PCF11: variants seen among roughly 807,000 people sequenced by gnomAD.
PCF11 encodes the protein pre-mRNA cleavage complex 2 protein Pcf11.
Under a neutral mutation model 166.1 loss-of-function variants are expected in PCF11, and 19 were observed. That is an observed-to-expected ratio of 0.11 (90% CI 0.08 to 0.17). The LOEUF is 0.17. PCF11 is among the 10% of genes least tolerant of loss of function. The probability of loss-of-function intolerance (pLI) is 1.00; values close to 1 mark genes in which losing one functional copy is unlikely to be tolerated. For missense variants in PCF11, 1,565 were observed against 1,855.5 expected, an observed-to-expected ratio of 0.84 and a Z score of 2.88; for synonymous variants, 663 against 644.1, an observed-to-expected ratio of 1.03 and a Z score of -0.44.
chr11:83,165,006 A>T (rs1049774348), intron 4 of PCF11, among the ~76,000 whole-genome samples: 4 of 152,214 alleles, frequency 2.6e-5, no homozygotes, highest in Admixed American at 2.0e-4. Context: ...GATGGTAGGC[A>T]TGTTGTGGCA....
intron 10 of PCF11, among the ~76,000 whole-genome samples, 181 bp downstream of exon 10, chr11:83,177,385 A>G (rs1860924902): frequency 6.6e-6 from 1 of 152,186 alleles, no homozygotes; most frequent in South Asian, 2.1e-4. Context: ...AGATTGAACT[A>G]CCTTATAGTG....
chr11:83,166,214 A>G (rs1157548724), exon 5 of PCF11: 2 of 1,613,442 alleles, frequency 1.2e-6, no homozygotes, highest in East Asian at 2.2e-5. Context: ...AGTCATCCGA[A>G]CACAGACTGG....
intron 11 of PCF11, chr11:83,180,731 C>G (rs1475494002): frequency 4.6e-6 from 1 of 219,750 alleles, no homozygotes; most frequent in Non-Finnish European, 9.1e-6. Flanking sequence ...TGTTAGCTAG[C>G]ACAGGATCAT....
rs1275402464 is a variant in PCF11, at chr11:83,182,393, T to C, written c.4324-6T>C. On this transcript the variant is annotated splice_polypyrimidine_tract_variant and splice_region_variant and intron_variant, in intron 13 of 15. Coordinates refer to ENST00000298281, the Ensembl canonical transcript of PCF11. Reference sequence around the variant, plus strand: ...GTAAATTTCATTTTATATGATTCTATTTTAGAGTTGTGAAATCTGTCAAGA... The same window carrying C: ...GTAAATTTCATTTTATATGATTCTACTTTAGAGTTGTGAAATCTGTCAAGA... 1 of 1,420,472 alleles carries C rather than the reference T, an allele frequency of 7.0e-7. No homozygotes were observed. Among genetic ancestry groups the C allele is most frequent in the African/African-American group, 1.4e-5 (1 of 70,918 alleles). 88.0% of individuals were successfully genotyped at this position (1,420,472 alleles called of 1,614,324 possible).
intron 2 of PCF11, among the ~76,000 whole-genome samples, chr11:83,161,754 A>T (rs1471879802): frequency 6.6e-6 from 1 of 152,224 alleles, no homozygotes; most frequent in Non-Finnish European, 1.5e-5. Flanking sequence ...CAAACCAGGC[A>T]AAAAGATCTG....
chr11:83,166,589 G>A, exon 5 of PCF11: 1 of 1,613,900 alleles, frequency 6.2e-7, no homozygotes, highest in Non-Finnish European at 8.5e-7. Flanking sequence ...CTGAAGAGGA[G>A]CGACCACAAG....
chr11:83,164,700 TAGTG>T (rs1008787664), intron 4 of PCF11, among the ~76,000 whole-genome samples: 5 of 150,766 alleles, frequency 3.3e-5, no homozygotes, highest in African/African-American at 1.2e-4. Flanking sequence ...CTGGGCAACA[TAGTG>T]AGGCCCTACC....
chr11:83,184,830 C>T, exon 16 of PCF11: 2 of 1,591,260 alleles, frequency 1.3e-6, no homozygotes, highest in South Asian at 2.3e-5. Flanking sequence ...CCAGCTTGTA[C>T]AGAGGAAAGC....
chr11:83,169,990 C>A, exon 8 of PCF11: 1 of 1,579,030 alleles, frequency 6.3e-7, no homozygotes, highest in South Asian at 1.2e-5. Context: ...TCAGGCATCT[C>A]AACAGGTAAG....
chr11:83,177,981 A>T (rs1265167466), intron 11 of PCF11, among the ~76,000 whole-genome samples, 162 bp downstream of exon 11: 1 of 151,610 alleles, frequency 6.6e-6, no homozygotes, highest in Non-Finnish European at 1.5e-5. Context: ...AATATACATA[A>T]CATAGTCTTT....
intron 1 of PCF11, 134 bp from the exon 2 acceptor site, chr11:83,161,193 T>C (rs1369619503): frequency 7.6e-6 from 5 of 660,060 alleles, no homozygotes; most frequent in Non-Finnish European, 1.2e-5. Context: ...ACACTTAAGT[T>C]TCATAAAGAT....
chr11:83,160,205 A>G (rs2135414279), intron 1 of PCF11, among the ~76,000 whole-genome samples: 1 of 151,812 alleles, frequency 6.6e-6, no homozygotes, highest in South Asian at 2.1e-4. Context: ...ATTATATATG[A>G]TGGCATTGTG....
chr11:83,166,817 T>C, intron 5 of PCF11, 103 bp downstream of exon 5: 1 of 961,114 alleles, frequency 1.0e-6, no homozygotes, highest in Non-Finnish European at 1.6e-6. Flanking sequence ...ATTAGTACTT[T>C]TTTTCCATCT....
intron 15 of PCF11, chr11:83,184,374 A>T (rs913135827): frequency 7.7e-6 from 2 of 258,180 alleles, no homozygotes; most frequent in Non-Finnish European, 7.3e-6. Flanking sequence ...GGATATATGT[A>T]TGAGTTTAAC....
intron 2 of PCF11, 30 bp from the exon 3 acceptor site, chr11:83,163,649 A>T (rs1860342663): frequency 2.2e-6 from 2 of 906,762 alleles, no homozygotes; most frequent in Admixed American, 6.8e-5. Flanking sequence ...TAGTAACTTA[A>T]CAAGCCATAG....
intron 15 of PCF11, among the ~76,000 whole-genome samples, chr11:83,183,506 C>G (rs1406098905): frequency 6.6e-6 from 1 of 151,796 alleles, no homozygotes; most frequent in Non-Finnish European, 1.5e-5. Context: ...TTGTTTTGTT[C>G]TGAGACAAAG....
In PCF11 at chr11:83,167,574, C is replaced by G. The variant is rs767498180; in HGVS notation, c.2092+69C>G. ...TAAAGGTGGATTAAAAAAGAAACCT[C>G]TCTTATCTGATGCTGAATTAACCTA... On this transcript the variant is annotated intron_variant, in intron 7 of 15. Coordinates refer to ENST00000298281, the Ensembl canonical transcript of PCF11. The surrounding 1 kb of genome is among the most constrained non-coding windows in gnomAD (Gnocchi z 4.2). 6.4e-7 allele frequency: 1 copy of G among 1,558,172 alleles called. No individual in the cohort carries two copies. The highest frequency in any genetic ancestry group is 1.2e-5 in the South Asian group (1 of 84,836).
intron 2 of PCF11, among the ~76,000 whole-genome samples, chr11:83,161,800 A>G (rs914390548): frequency 1.3e-5 from 2 of 152,208 alleles, no homozygotes; most frequent in Middle Eastern, 3.2e-3. Flanking sequence ...CATTGTTTAC[A>G]TTTCTGGTGT....
chr11:83,168,039 TAAGGA>T (rs1185132656), intron 7 of PCF11, 141 bp downstream of exon 7: 39 of 670,750 alleles, frequency 5.8e-5, no homozygotes, highest in Middle Eastern at 1.2e-3. Context: ...TTTTTCCCTT[TAAGGA>T]AAGGGAAGGG....
Sources: gnomAD v4.1 joint callset for allele counts (sites outside exome capture counted in the v4.1 genomes callset) on GRCh38, gnomAD v4.1.1 for gene constraint, Gnocchi (gnomAD v3.1) non-coding constraint, MANE v1.5 for transcripts, NCBI Gene and HGNC (gene_info 2026-07-23, HGNC 2026-07-21) for gene names.